Variants in SP4 observed in about 807,000 individuals in gnomAD.
SP4 encodes the protein transcription factor Sp4.
In SP4, 19 loss-of-function variants were observed where a neutral mutation model predicts 72.8. That is an observed-to-expected ratio of 0.26 (90% CI 0.18 to 0.38). SP4 has a LOEUF of 0.38. Among genes scored for constraint, SP4 ranks in the 10% least tolerant of loss-of-function variants. The pLI is 1.00. For synonymous variants in SP4, 395 were observed against 333.1 expected (o/e 1.19, Z -2.02); for missense variants, 1,008 against 926.3 (o/e 1.09, Z -1.14).
chr7:21,434,919 G>T (rs1782997814), intron 3 of SP4, among the ~76,000 whole-genome samples: 1 of 151,260 alleles, frequency 6.6e-6, no homozygotes, highest in Admixed American at 6.6e-5. Context: ...ACAACTAATT[G>T]TACCTCTGGC....
intron 3 of SP4, among the ~76,000 whole-genome samples, chr7:21,434,997 C>G (rs776330192): frequency 6.6e-6 from 1 of 152,068 alleles, no homozygotes; most frequent in Non-Finnish European, 1.5e-5. Context: ...TTCTACTAGT[C>G]AAAGAGCCCT....
intron 4 of SP4, among the ~76,000 whole-genome samples, chr7:21,479,073 A>C (rs2128410293): frequency 6.6e-6 from 1 of 151,606 alleles, no homozygotes; most frequent in East Asian, 1.9e-4. Context: ...ATCTCAAAAA[A>C]AAAAAAAGAA....
rs549888655 is a variant in SP4, at chr7:21,491,850, A to G, written c.2107+9727A>G. Among the ~76,000 whole-genome samples, 11 of 152,268 alleles carry G rather than the reference A, an allele frequency of 7.2e-5. No homozygotes were observed. In the East Asian group the frequency reaches 1.7e-3, roughly 24 times the overall value. On this transcript the variant is annotated intron_variant, in intron 5 of 5. Coordinates refer to ENST00000222584, the MANE Select transcript of SP4 (RefSeq NM_003112.5). ...AGGAAAACTAAGAGAATTTGCTGCTATCAGATCTGCCTCAATAGAAATGCC... is the reference window on the plus strand; with the variant it reads ...AGGAAAACTAAGAGAATTTGCTGCTGTCAGATCTGCCTCAATAGAAATGCC...
In SP4 at chr7:21,477,662, G is replaced by A. The variant is rs547259097; in HGVS notation, c.1907+355G>A. On this transcript the variant is annotated intron_variant, in intron 4 of 5. Transcript: ENST00000222584. ...AGCGATTCTCCTGCCTCAGCCTTCCGAGTAGCTGGGATTAAGTACAGGTGC... is the reference window on the plus strand; with the variant it reads ...AGCGATTCTCCTGCCTCAGCCTTCCAAGTAGCTGGGATTAAGTACAGGTGC... Among the ~76,000 whole-genome samples, 21 of 150,734 alleles carry A rather than the reference G, an allele frequency of 1.4e-4. No homozygotes were observed. In the South Asian group the frequency reaches 4.0e-3, roughly 29 times the overall value.
At chr7:21,443,613 G>C (rs1342296411) in intron 3 of SP4, among the ~76,000 whole-genome samples, 1 of 152,152 alleles carries the variant, frequency 6.6e-6, no homozygotes, top group Non-Finnish European at 1.5e-5. Context: ...TTTTGCACAG[G>C]CGTATAGGAA....
Position 21,484,429 on chromosome 7 carries a change from C to G in SP4, c.2107+2306C>G, listed in dbSNP as rs1784762181. On this transcript the variant is annotated intron_variant, in intron 5 of 5. Transcript: ENST00000222584. ...ACTCAAAAAGTTTCAGATTTTGGAG[C>G]AATTTGGATTTTAGATTTTTGTATT... 1.3e-5 allele frequency among the ~76,000 whole-genome samples: 2 copies of G among 151,946 alleles called. 1 individual carries two copies. Among genetic ancestry groups the G allele is most frequent in the South Asian group, 4.1e-4 (2 of 4,826 alleles).
intron 3 of SP4, among the ~76,000 whole-genome samples, chr7:21,474,820 A>G (rs1279941534): frequency 6.6e-6 from 1 of 152,220 alleles, no homozygotes; most frequent in East Asian, 1.9e-4. Flanking sequence ...AAAGGTGTAC[A>G]AAAATGTAAA....
intron 3 of SP4, among the ~76,000 whole-genome samples, chr7:21,442,462 A>T (rs1783291856): frequency 6.6e-6 from 1 of 152,324 alleles, no homozygotes. Context: ...CATGATAGAT[A>T]TCATCTAATA....
chr7:21,450,295 A>G lies in SP4; in HGVS notation c.1678+19452A>G, dbSNP rs904207961. Among the ~76,000 whole-genome samples the G allele has an allele frequency of 6.6e-5, 10 of 152,336 alleles. No homozygotes were observed. The Middle Eastern group carries it at 0.014, about 207-fold the overall frequency. On this transcript the variant is annotated intron_variant, in intron 3 of 5. Coordinates refer to ENST00000222584, the MANE Select transcript of SP4 (RefSeq NM_003112.5). ...GAGAAATTGCTGACTAGGGATATCA[A>G]TAATTTATAGTGAAACAAAAATGAT...
intron 5 of SP4, among the ~76,000 whole-genome samples, chr7:21,508,555 C>T (rs62441765): frequency 0.2 from 30,716 of 152,066 alleles, 3,438 homozygotes; most frequent in Middle Eastern, 0.42. Flanking sequence ...TCTCAAACTC[C>T]TGACCTCAGG....
chr7:21,471,763 G>A (rs1784351957), intron 3 of SP4, among the ~76,000 whole-genome samples: 2 of 152,338 alleles, frequency 1.3e-5, no homozygotes, highest in Middle Eastern at 3.4e-3. Context: ...GAGTCCAAGA[G>A]TTAGAGGCTA....
chr7:21,447,375 A>G (rs1783460814), intron 3 of SP4, among the ~76,000 whole-genome samples: 2 of 152,192 alleles, frequency 1.3e-5, no homozygotes, highest in African/African-American at 4.8e-5. Flanking sequence ...TTATTACCTT[A>G]GCACCTTATG....
At chr7:21,487,128 T>C (rs1784835974) in intron 5 of SP4, among the ~76,000 whole-genome samples, 1 of 152,248 alleles carries the variant, frequency 6.6e-6, no homozygotes, top group African/African-American at 2.4e-5. Context: ...AATTCAATAC[T>C]ATCATTTTCT....
intron 5 of SP4, among the ~76,000 whole-genome samples, chr7:21,509,269 CA>C (rs1782084888): frequency 6.6e-6 from 1 of 152,078 alleles, no homozygotes; most frequent in African/African-American, 2.4e-5. Context: ...GAGCTCTTAT[CA>C]AAATGTGTTA....
Position 21,482,008 on chromosome 7 carries a change from A to G in SP4, c.1992A>G (p.Leu664=), listed in dbSNP as rs1330993845. ...CGKVYGKTSH[L]RAHLRWHTGE... ...AAGTTTATGGCAAAACATCTCATTT[A>G]CGAGCACATCTTCGCTGGCATACTG... The change falls in exon 5 of 6, where the codon TTA becomes TTG. Residue 664 remains leucine (L), a synonymous_variant. Transcript: ENST00000222584. 7.4e-6 allele frequency: 12 copies of G among 1,613,808 alleles called. No homozygotes were observed. The highest frequency in any genetic ancestry group is 1.3e-5 in the African/African-American group (1 of 74,938).
intron 3 of SP4, among the ~76,000 whole-genome samples, chr7:21,470,518 T>C (rs1416202420): frequency 6.6e-6 from 1 of 152,182 alleles, no homozygotes; most frequent in Non-Finnish European, 1.5e-5. Flanking sequence ...ATATGGAATA[T>C]GCCTTTTTCC....
intron 3 of SP4, among the ~76,000 whole-genome samples, chr7:21,440,177 T>G (rs568604072): frequency 3.6e-4 from 55 of 152,304 alleles, no homozygotes; most frequent in African/African-American, 1.3e-3. Context: ...CAATTAGTTG[T>G]ACCACTCTGG....
At chr7:21,509,573 A>C (rs1347829804) in intron 5 of SP4, among the ~76,000 whole-genome samples, 1 of 152,120 alleles carries the variant, frequency 6.6e-6, no homozygotes, top group African/African-American at 2.4e-5. Context: ...TGGATGTTTA[A>C]TACAATATTG....
intron 3 of SP4, among the ~76,000 whole-genome samples, chr7:21,443,038 A>G (rs559722691): frequency 6.6e-6 from 1 of 152,354 alleles, no homozygotes; most frequent in East Asian, 1.9e-4. Context: ...GCCTGGCTCA[A>G]TTAGTATTTT....
Sources: gnomAD v4.1 joint callset for allele counts (sites outside exome capture counted in the v4.1 genomes callset) on GRCh38, gnomAD v4.1.1 for gene constraint, MANE v1.5 for transcripts, NCBI Gene and HGNC (gene_info 2026-07-23, HGNC 2026-07-21) for gene names.